The following PAPOLG variants were observed in gnomAD, a reference collection of about 807,000 sequenced individuals.
The protein encoded by PAPOLG is poly(A) polymerase gamma.
Under a neutral mutation model 99.0 loss-of-function variants are expected in PAPOLG, and 40 were observed. The observed-to-expected ratio is 0.40, with a 90% CI of 0.31 to 0.53. The LOEUF (loss-of-function observed/expected upper bound fraction) is 0.53. Among genes scored for constraint, PAPOLG ranks in the 20% least tolerant of loss-of-function variants. The probability of loss-of-function intolerance (pLI) is 0.41; values close to 1 mark genes in which losing one functional copy is unlikely to be tolerated. For synonymous variants in PAPOLG, 310 were observed against 299.3 expected, an observed-to-expected ratio of 1.04 and a Z score of -0.37; for missense variants, 675 against 884.1, an observed-to-expected ratio of 0.76 and a Z score of 3.00.
chr2:60,783,115 T>C, intron 12 of PAPOLG, 41 bp from the exon 13 acceptor site: 1 of 1,517,344 alleles, frequency 6.6e-7, no homozygotes, highest in Non-Finnish European at 8.8e-7. Context: ...TGTAACAATT[T>C]TTCTGGCTTT....
Position 60,787,057 on chromosome 2 carries a change from A to G in PAPOLG, c.1277A>G (p.His426Arg), listed in dbSNP as rs1394993104. Reference sequence around the variant, plus strand: ...CAGTCATTCCCAGGGAATAAGGAACATCATAAAGAGTAAGTTAATTGTTTT... The same window carrying G: ...CAGTCATTCCCAGGGAATAAGGAACGTCATAAAGAGTAAGTTAATTGTTTT... ...NPQSFPGNKEHHKDNNYVSMW... is the reference protein window; with the variant it reads ...NPQSFPGNKERHKDNNYVSMW... The change falls in exon 14 of 22, where the codon CAT (histidine) becomes CGT (arginine). Residue 426 changes from histidine (H) to arginine (R), a missense_variant. Transcript: ENST00000238714. 4 of 1,601,778 alleles carry G rather than the reference A, an allele frequency of 2.5e-6. No individual in the cohort carries two copies. Among genetic ancestry groups the G allele is most frequent in the Non-Finnish European group, 3.4e-6 (4 of 1,174,034 alleles).
chr2:60,788,235 G>T (rs1487521912), intron 15 of PAPOLG, among the ~76,000 whole-genome samples: 2 of 152,098 alleles, frequency 1.3e-5, no homozygotes, highest in African/African-American at 4.8e-5. Flanking sequence ...AAGACTGGTT[G>T]CTTCTAGGTC....
At chr2:60,793,794 C>T (rs988280423) in intron 18 of PAPOLG, 79 bp downstream of exon 18, 1 of 1,512,428 alleles carries the variant, frequency 6.6e-7, no homozygotes. Flanking sequence ...GCCTGTAGTC[C>T]TAGCTACTGG....
Position 60,798,778 on chromosome 2 carries a change from C to G in PAPOLG, c.*1618C>G, listed in dbSNP as rs976245273. ...TGAATTGCCAGAGAGCCGTATCCTCCAGGTCCCACTCCTGTTCATTGCCCC... is the reference window on the plus strand; with the variant it reads ...TGAATTGCCAGAGAGCCGTATCCTCGAGGTCCCACTCCTGTTCATTGCCCC... On this transcript the variant is annotated 3_prime_UTR_variant, in exon 22 of 22. Coordinates refer to ENST00000238714, the MANE Select transcript of PAPOLG (RefSeq NM_022894.4). 2 of 152,342 alleles carry G rather than the reference C, an allele frequency of 1.3e-5. No homozygotes were observed. Among genetic ancestry groups the G allele is most frequent in the Non-Finnish European group, 2.9e-5 (2 of 68,034 alleles). The allele number at this position is 152,342 out of a possible 1,614,324, so 9.4% of individuals were successfully genotyped here. A position where few individuals can be genotyped will look rare whatever the true frequency, so the allele number is the denominator to read the frequency against.
At chr2:60,765,089 A>T (rs1369346745) in intron 3 of PAPOLG, among the ~76,000 whole-genome samples, 1 of 151,884 alleles carries the variant, frequency 6.6e-6, no homozygotes, top group Non-Finnish European at 1.5e-5. Context: ...TGGGGGAAGG[A>T]TCTCTCAGTC....
intron 5 of PAPOLG, among the ~76,000 whole-genome samples, 175 bp downstream of exon 5, chr2:60,769,065 T>TTAAAAAA (rs1670769195): frequency 6.6e-6 from 1 of 152,210 alleles, no homozygotes; most frequent in Admixed American, 6.5e-5. Flanking sequence ...CTTAGAGTTA[T>TTAAAAAA]ACAGACTTGG....
intron 7 of PAPOLG, among the ~76,000 whole-genome samples, chr2:60,771,931 C>A (rs559210485): frequency 6.6e-6 from 1 of 152,092 alleles, no homozygotes; most frequent in South Asian, 2.1e-4. Flanking sequence ...TCAATATTTA[C>A]CATGTTAAAA....
At chr2:60,795,451 T>G (rs1185087858) in intron 21 of PAPOLG, 2 of 223,046 alleles carry the variant, frequency 9.0e-6, no homozygotes, top group Non-Finnish European at 1.9e-5. Context: ...AGTAAGTACC[T>G]TTAAAACATG....
At chr2:60,776,723 C>T (rs373748606) in intron 8 of PAPOLG, among the ~76,000 whole-genome samples, 6 of 152,052 alleles carry the variant, frequency 3.9e-5, no homozygotes, top group Admixed American at 2.6e-4. Flanking sequence ...CCACCATGCC[C>T]GGCCAGCTTC....
At chr2:60,796,494 C>A (rs1004457789) in intron 21 of PAPOLG, among the ~76,000 whole-genome samples, 1 of 151,986 alleles carries the variant, frequency 6.6e-6, no homozygotes, top group Non-Finnish European at 1.5e-5. Flanking sequence ...TCCCTCAAAC[C>A]GATGTCCCTG....
chr2:60,763,750 C>T (rs1469818995), intron 3 of PAPOLG, among the ~76,000 whole-genome samples: 3 of 151,200 alleles, frequency 2.0e-5, no homozygotes, highest in Non-Finnish European at 4.4e-5. Flanking sequence ...GTGATCTACC[C>T]GCCTCAGCCT....
chr2:60,792,309 G>A lies in PAPOLG; in HGVS notation c.1679+20G>A, dbSNP rs752900276. 8 of 1,572,512 alleles carry A rather than the reference G, an allele frequency of 5.1e-6. No homozygotes were observed. In the East Asian group the frequency reaches 1.6e-4, roughly 31 times the overall value. ...AGAAAGGTCTGTCTTTATTTCAAATGTGTCCTTTTGGTTTTCTGTTCAGTT... is the reference window on the plus strand; with the variant it reads ...AGAAAGGTCTGTCTTTATTTCAAATATGTCCTTTTGGTTTTCTGTTCAGTT... On this transcript the variant is annotated intron_variant, in intron 17 of 21. Coordinates refer to ENST00000238714, the MANE Select transcript of PAPOLG (RefSeq NM_022894.4).
intron 1 of PAPOLG, among the ~76,000 whole-genome samples, chr2:60,759,709 A>G (rs542891398): frequency 2.0e-5 from 3 of 152,344 alleles, no homozygotes; most frequent in African/African-American, 7.2e-5. Context: ...TCCTGGGGAA[A>G]AAAACCCATT....
At chr2:60,792,417 G>T (rs1030694464) in intron 17 of PAPOLG, 128 bp downstream of exon 17, 7 of 915,580 alleles carry the variant, frequency 7.6e-6, no homozygotes, top group Non-Finnish European at 1.1e-5. Flanking sequence ...CTGGCTGCTG[G>T]TCAATTTCTT....
chr2:60,800,452 G>C lies in PAPOLG; in HGVS notation c.*3292G>C, dbSNP rs1259435580. On this transcript the variant is annotated 3_prime_UTR_variant, in exon 22 of 22. Transcript: ENST00000238714. ...GCTGCTTCGGCCACCCTAAGTGCTG[G>C]GATTACAGGCATAAGCTACTGTGCC... is the stretch of plus-strand genomic sequence containing the variant. 1 of 152,274 alleles carries C rather than the reference G, an allele frequency of 6.6e-6. No homozygotes were observed. The highest frequency in any genetic ancestry group is 1.5e-5 in the Non-Finnish European group (1 of 68,044). The allele number at this position is 152,274 out of a possible 1,614,324, so 9.4% of individuals were successfully genotyped here.
rs1006358108 is a variant in PAPOLG at position 60,799,755 on chromosome 2, G to C, written c.*2595G>C. 6.6e-6 allele frequency: 1 copy of C among 152,150 alleles called. No individual in the cohort carries two copies. The highest frequency in any genetic ancestry group is 1.5e-5 in the Non-Finnish European group (1 of 68,088). 9.4% of individuals were successfully genotyped at this position (152,150 alleles called of 1,614,324 possible). ...TTCTCTTGCCTCAGCCTCCCAAGTAGCTGGGATTACAGGCACCCACCACCT... is the reference window on the plus strand; with the variant it reads ...TTCTCTTGCCTCAGCCTCCCAAGTACCTGGGATTACAGGCACCCACCACCT... On this transcript the variant is annotated 3_prime_UTR_variant, in exon 22 of 22. Transcript: ENST00000238714.
chr2:60,787,438 A>T (rs555593357), intron 14 of PAPOLG, 73 bp from the exon 15 acceptor site: 2 of 1,494,270 alleles, frequency 1.3e-6, no homozygotes, highest in African/African-American at 2.8e-5. Context: ...CCAAGTTTTA[A>T]TTATGAAATA....
At chr2:60,770,941 G>C (rs1364461736) in intron 6 of PAPOLG, among the ~76,000 whole-genome samples, 1 of 152,122 alleles carries the variant, frequency 6.6e-6, no homozygotes, top group Admixed American at 6.6e-5. Context: ...TAATTTCTAA[G>C]AATACTATTT....
chr2:60,775,986 A>C (rs1671004717), intron 8 of PAPOLG, among the ~76,000 whole-genome samples: 1 of 152,154 alleles, frequency 6.6e-6, no homozygotes, highest in Admixed American at 6.6e-5. Context: ...GCTGGTCTCC[A>C]ACTCCTGACC....
Sources: gnomAD v4.1 joint callset for allele counts (sites outside exome capture counted in the v4.1 genomes callset) on GRCh38, gnomAD v4.1.1 for gene constraint, MANE v1.5 for transcripts, NCBI Gene and HGNC (gene_info 2026-07-23, HGNC 2026-07-21) for gene names.